RYR2: variants seen among roughly 807,000 people sequenced by gnomAD.
RYR2 encodes the protein cardiac muscle ryanodine receptor-calcium release channel.
RYR2 carries 227 observed loss-of-function variants against 601.1 expected under a neutral mutation model. That is an observed-to-expected ratio of 0.38 (90% CI 0.34 to 0.42). The LOEUF (loss-of-function observed/expected upper bound fraction) is 0.42. Among genes scored for constraint, RYR2 ranks in the 10% least tolerant of loss-of-function variants. The pLI, the probability that RYR2 is intolerant of heterozygous loss-of-function variation, is 1.00. For synonymous variants in RYR2, 2,223 were observed against 2,175.1 expected (o/e 1.02, Z -0.61); for missense variants, 4,646 against 6,156.5 (o/e 0.75, Z 8.21).
chr1:237,369,998 T>A (rs1277305104), intron 6 of RYR2, among the ~76,000 whole-genome samples: 1 of 152,108 alleles, frequency 6.6e-6, no homozygotes, highest in Non-Finnish European at 1.5e-5. Flanking sequence ...AGCTCCAATA[T>A]TAATTGTACT....
chr1:237,209,282 T>C, intron 1 of RYR2, among the ~76,000 whole-genome samples: 1 of 151,708 alleles, frequency 6.6e-6, no homozygotes, highest in African/African-American at 2.4e-5. Flanking sequence ...GATTCCAAAT[T>C]CAGTTTTGAA....
intron 91 of RYR2, 109 bp downstream of exon 91, chr1:237,786,145 A>C: frequency 1.4e-6 from 1 of 721,078 alleles, no homozygotes; most frequent in Non-Finnish European, 2.3e-6. Flanking sequence ...ATTGTCAAGG[A>C]GCCACAGAAC....
At chr1:237,435,784 A>G (rs58357304) in intron 12 of RYR2, among the ~76,000 whole-genome samples, 123 of 152,348 alleles carry the variant, frequency 8.1e-4, no homozygotes, top group African/African-American at 2.9e-3. Context: ...CATATATGGA[A>G]ACATTGTGAC....
In RYR2 at chr1:237,341,102, G is replaced by A. The variant is rs543930201; in HGVS notation, c.273+10120G>A. On this transcript the variant is annotated intron_variant, in intron 3 of 104. Coordinates refer to ENST00000366574, the MANE Select transcript of RYR2 (RefSeq NM_001035.3). ...CAGGATGTAATTTAATCACAGTGGC[G>A]TAGTTAGGCACTGTTTTAGATTATG... 1.7e-4 allele frequency among the ~76,000 whole-genome samples: 26 copies of A among 152,242 alleles called. No homozygotes were observed. In the South Asian group the frequency reaches 4.1e-3, roughly 24 times the overall value.
intron 1 of RYR2, among the ~76,000 whole-genome samples, chr1:237,266,330 T>TTG (rs3056169): frequency 0.52 from 77,403 of 149,310 alleles, 22,225 homozygotes; most frequent in Non-Finnish European, 0.66. Context: ...AGAAACTAGA[T>TTG]TGTGTGTGTG....
At position 237,784,662 on chromosome 1, in the gene RYR2, G is replaced by A; in HGVS notation, c.12950G>A (p.Ser4317Asn). ...RIICSLLLGGSLVEGAKKIKV... is the reference protein window; with the variant it reads ...RIICSLLLGGNLVEGAKKIKV... ...ATTTGCAGCCTGCTGCTTGGGGGAAGCCTCGTCGAAGGTGCTAAAAAGATC... is the reference window on the plus strand; with the variant it reads ...ATTTGCAGCCTGCTGCTTGGGGGAAACCTCGTCGAAGGTGCTAAAAAGATC... The change falls in exon 90 of 105, where the codon AGC becomes AAC. Residue 4317 changes from serine (S) to asparagine (N), a missense_variant. By Grantham distance (46) the Ser-to-Asn change is conservative. Around this residue, in one of 17 missense-constraint regions of RYR2, gnomAD observed 364 missense variants for 442.9 expected, o/e 0.82. Coordinates refer to ENST00000366574, the MANE Select transcript of RYR2 (RefSeq NM_001035.3). The surrounding 1 kb of genome is among the most constrained non-coding windows in gnomAD (Gnocchi z 7.1). 6.2e-7 allele frequency: 1 copy of A among 1,613,174 alleles called. No individual in the cohort carries two copies. The highest frequency in any genetic ancestry group is 8.5e-7 in the Non-Finnish European group (1 of 1,179,510).
At chr1:237,622,711 T>C (rs931123964) in intron 38 of RYR2, among the ~76,000 whole-genome samples, 3 of 152,224 alleles carry the variant, frequency 2.0e-5, no homozygotes, top group Non-Finnish European at 4.4e-5. Flanking sequence ...AATGAAGTGA[T>C]ATGTCAGCAC....
At chr1:237,177,737 T>C (rs1272690342) in intron 1 of RYR2, among the ~76,000 whole-genome samples, 1 of 152,184 alleles carries the variant, frequency 6.6e-6, no homozygotes, top group Admixed American at 6.5e-5. Context: ...ACCATGCTGC[T>C]ATGAACAATC....
chr1:237,626,580 C>CTTTTTTTTTTT lies in RYR2; in HGVS notation c.6166+797_6166+807dup, dbSNP rs60885998. Among the ~76,000 whole-genome samples, 320 of 40,136 alleles carry CTTTTTTTTTTT rather than the reference C, an allele frequency of 8.0e-3. 20 individuals carry two copies. The highest frequency in any genetic ancestry group is 0.011 in the East Asian group (11 of 976). The allele number at this position is 40,136 out of a possible 152,430, so 26.3% of individuals were successfully genotyped here. A position where few individuals can be genotyped will look rare whatever the true frequency, so the allele number is the denominator to read the frequency against. On this transcript the variant is annotated intron_variant, in intron 40 of 104. Transcript: ENST00000366574. ...TTCTTTTCTTTTTCTTTTTCTTTTTCTTTTTTTTTTTTTTTTTTTTTTTTT... is the reference window on the plus strand; with the variant it reads ...TTCTTTTCTTTTTCTTTTTCTTTTTCTTTTTTTTTTTTTTTTTTTTTTTTTTTTTTTTTTTT...
chr1:237,388,337 C>T (rs1347916756), intron 10 of RYR2, among the ~76,000 whole-genome samples, 154 bp downstream of exon 10: 2 of 152,192 alleles, frequency 1.3e-5, no homozygotes, highest in Non-Finnish European at 2.9e-5. Context: ...TTGTTGCCCC[C>T]TCTTAGCTTT....
chr1:237,239,209 AG>A (rs1483196814), intron 1 of RYR2, among the ~76,000 whole-genome samples: 1 of 152,158 alleles, frequency 6.6e-6, no homozygotes, highest in Non-Finnish European at 1.5e-5. Context: ...CTTTTGAAGC[AG>A]GGTTGTTTGT....
At chr1:237,829,409 G>A (rs1663521763) in intron 102 of RYR2, among the ~76,000 whole-genome samples, 2 of 152,108 alleles carry the variant, frequency 1.3e-5, no homozygotes, top group Non-Finnish European at 1.5e-5. Context: ...CCTCAGCGAG[G>A]GACTTGGTGA....
chr1:237,117,708 T>G (rs1026407525), intron 1 of RYR2, among the ~76,000 whole-genome samples: 2 of 138,836 alleles, frequency 1.4e-5, no homozygotes. Context: ...TTCTCTTCTC[T>G]TCTCTTCTCT....
At chr1:237,459,449 G>A (rs901589816) in intron 16 of RYR2, among the ~76,000 whole-genome samples, 2 of 152,166 alleles carry the variant, frequency 1.3e-5, no homozygotes, top group African/African-American at 4.8e-5. Context: ...ATGTTTGAGG[G>A]TAGAAAGTGT....
rs369063680 is a variant in RYR2, at chr1:237,491,091, T to C, written c.1709-715T>C. ...CTAAAATTTCTGATAATGAAATTTA[T>C]TTTCTCTTCTTTCCTTTTTAAACTT... On this transcript the variant is annotated intron_variant, in intron 17 of 104. Coordinates refer to ENST00000366574, the MANE Select transcript of RYR2 (RefSeq NM_001035.3). Among the ~76,000 whole-genome samples the C allele has an allele frequency of 1.1e-3, 162 of 152,310 alleles. 3 individuals carry two copies. The South Asian group carries it at 0.032, about 30-fold the overall frequency.
intron 92 of RYR2, among the ~76,000 whole-genome samples, chr1:237,788,860 T>A (rs1024925478): frequency 6.6e-5 from 10 of 152,100 alleles, no homozygotes; most frequent in Admixed American, 5.9e-4. Flanking sequence ...AAAATATTGT[T>A]TGAAAGGCCT....
intron 99 of RYR2, 82 bp downstream of exon 99, chr1:237,806,365 A>C: frequency 3.8e-6 from 5 of 1,310,400 alleles, no homozygotes; most frequent in Non-Finnish European, 5.3e-6. Context: ...TACCCCTCAA[A>C]TGACAATGTA....
chr1:237,608,809 T>TTG (rs1559106308), intron 35 of RYR2, among the ~76,000 whole-genome samples: 1 of 151,024 alleles, frequency 6.6e-6, no homozygotes, highest in African/African-American at 2.4e-5. Flanking sequence ...TTTTTTTTTT[T>TTG]TTTTTTTTTT....
At chr1:237,257,361 C>G (rs1688095576) in intron 1 of RYR2, among the ~76,000 whole-genome samples, 1 of 152,120 alleles carries the variant, frequency 6.6e-6, no homozygotes, top group African/African-American at 2.4e-5. Context: ...CGCTTCTGTG[C>G]CAGATGCTGT....
Sources: allele counts gnomAD v4.1 joint callset (sites outside exome capture counted in the v4.1 genomes callset), GRCh38; gene constraint gnomAD v4.1.1; regional missense constraint gnomAD v4.1.1; non-coding constraint Gnocchi (gnomAD v3.1); transcripts MANE v1.5; gene names NCBI Gene and HGNC (gene_info 2026-07-23, HGNC 2026-07-21).